The following RNF216 variants were observed in gnomAD, a reference collection of about 807,000 sequenced individuals.
RNF216 encodes ring finger protein 216, also known as E3 ubiquitin-protein ligase RNF216.
RNF216 carries 72 observed loss-of-function variants against 110.8 expected under a neutral mutation model. The ratio of observed to expected loss-of-function variants is 0.65; its 90% CI spans 0.54 to 0.79. The LOEUF (loss-of-function observed/expected upper bound fraction) is 0.79, where lower values mean the gene tolerates loss of function less well. Among genes scored for constraint, RNF216 ranks in the 30% least tolerant of loss-of-function variants. The pLI is 0.00. For synonymous variants in RNF216, 495 were observed against 407.5 expected, an observed-to-expected ratio of 1.21 and a Z score of -2.59; for missense variants, 1,342 against 1,141.2, an observed-to-expected ratio of 1.18 and a Z score of -2.54.
At chr7:5,739,429 A>G in intron 4 of RNF216, 77 bp from the exon 5 acceptor site, 1 of 1,389,966 alleles carries the variant, frequency 7.2e-7, no homozygotes, top group Non-Finnish European at 1.0e-6. Context: ...CAGATGGCAA[A>G]AAGTATAATA....
At chr7:5,657,761 G>A (rs1788839615) in intron 13 of RNF216, among the ~76,000 whole-genome samples, 1 of 152,058 alleles carries the variant, frequency 6.6e-6, no homozygotes, top group Admixed American at 6.6e-5. Context: ...ACATACAGAA[G>A]GCCAGAAAGA....
chr7:5,741,235 C>T lies in RNF216; in HGVS notation c.782G>A (p.Gly261Asp), dbSNP rs1217675957. 4 of 1,614,126 alleles carry T rather than the reference C, an allele frequency of 2.5e-6. No homozygotes were observed. In the South Asian group the frequency reaches 4.4e-5, roughly 18 times the overall value. ...GAATTCATGCTGAAACAACAAGCGGCCCAGTTCTGCTTCAGGCTGCCGTTC... is the reference window on the plus strand; with the variant it reads ...GAATTCATGCTGAAACAACAAGCGGTCCAGTTCTGCTTCAGGCTGCCGTTC... Reference protein sequence around the residue: ...PQERQPEAELGRLLFQHEFPG... With the variant: ...PQERQPEAELDRLLFQHEFPG... Residue 261 changes from glycine to aspartate, a missense_variant, in exon 4 of 17, where the codon GGC becomes GAC. Gly to Asp is a moderately conservative substitution (Grantham distance 94, BLOSUM62 -1). Transcript: ENST00000389902.
At chr7:5,636,062 T>C (rs1280766351) in intron 15 of RNF216, among the ~76,000 whole-genome samples, 1 of 152,234 alleles carries the variant, frequency 6.6e-6, no homozygotes, top group Non-Finnish European at 1.5e-5. Context: ...AGTTTTGCCA[T>C]ACTCTCAAAT....
chr7:5,774,780 C>A (rs1336494097), intron 1 of RNF216, among the ~76,000 whole-genome samples: 1 of 149,962 alleles, frequency 6.7e-6, no homozygotes, highest in East Asian at 2.0e-4. Context: ...TTTATTGAGA[C>A]GAAGTTTTGC....
chr7:5,638,518 C>G (rs796411309), intron 15 of RNF216, among the ~76,000 whole-genome samples: 1 of 152,128 alleles, frequency 6.6e-6, no homozygotes, highest in Admixed American at 6.5e-5. Flanking sequence ...CAGATGCCAA[C>G]AAATCTGAAA....
intron 13 of RNF216, among the ~76,000 whole-genome samples, chr7:5,706,946 TTATGA>T (rs58070134): frequency 0.062 from 9,512 of 152,234 alleles, 982 homozygotes; most frequent in African/African-American, 0.22. Context: ...GATTTTTGTG[TTATGA>T]TATGAGATAT....
intron 1 of RNF216, among the ~76,000 whole-genome samples, chr7:5,765,981 A>T (rs913858408): frequency 6.6e-6 from 1 of 151,076 alleles, no homozygotes. Flanking sequence ...AGAAAGAAAT[A>T]GAAACATGAA....
intron 5 of RNF216, among the ~76,000 whole-genome samples, chr7:5,737,944 C>T (rs1017757685): frequency 4.6e-5 from 7 of 151,908 alleles, no homozygotes; most frequent in African/African-American, 1.4e-4. Flanking sequence ...AAAAATTAGC[C>T]GGACAGGGTG....
chr7:5,739,776 G>A (rs192242835), intron 4 of RNF216, among the ~76,000 whole-genome samples: 96 of 152,084 alleles, frequency 6.3e-4, no homozygotes, highest in African/African-American at 1.8e-3. Flanking sequence ...CGAGGCAGGC[G>A]GATCACCTGA....
intron 13 of RNF216, among the ~76,000 whole-genome samples, chr7:5,710,993 G>A (rs752373555): frequency 3.9e-5 from 6 of 152,172 alleles, no homozygotes; most frequent in Admixed American, 6.5e-5. Flanking sequence ...TGATCCATTA[G>A]TTTAGTTTAT....
chr7:5,721,091 A>C lies in RNF216; in HGVS notation c.1586T>G (p.Leu529Arg). The change falls in exon 9 of 17, where the codon CTT (leucine) becomes CGT (arginine). Residue 529 changes from leucine (L) to arginine (R), a missense_variant. By Grantham distance (102) the Leu-to-Arg change is moderately radical (BLOSUM62 -2). Transcript: ENST00000389902. ...HCRSYDRRAL[L>R]PAVQQEQEFY... The stretch of plus-strand genomic sequence containing the variant: ...CTCCTGCTCTTGTTGCACAGCTGGA[A>C]GGAGAGCACGTCGGTCATAGGACCT... The C allele has an allele frequency of 6.2e-7, 1 of 1,614,178 alleles. No homozygotes were observed. The highest frequency in any genetic ancestry group is 2.2e-5 in the East Asian group (1 of 44,886).
intron 1 of RNF216, among the ~76,000 whole-genome samples, chr7:5,768,346 TACACACACACACACACAC>T (rs71004702): frequency 7.0e-5 from 5 of 71,884 alleles, no homozygotes; most frequent in Non-Finnish European, 8.1e-5. Context: ...GGCAGGCAAA[TACACACACACACACACAC>T]ACACACACAC....
rs760391937 is a variant in RNF216 at position 5,712,695 on chromosome 7, C to T, written c.1982+20G>A. 6 of 1,613,422 alleles carry T rather than the reference C, an allele frequency of 3.7e-6. No homozygotes were observed. Among genetic ancestry groups the T allele is most frequent in the Admixed American group, 1.7e-5 (1 of 59,946 alleles). ...AATGGGGAAGAGTTGGCAGATGGCA[C>T]GCTCTGCCTGAGAACGAACCTGACA... On this transcript the variant is annotated intron_variant, in intron 12 of 16. Transcript: ENST00000389902.
chr7:5,733,650 G>C (rs1369197833), intron 5 of RNF216, among the ~76,000 whole-genome samples: 6 of 135,984 alleles, frequency 4.4e-5, no homozygotes, highest in African/African-American at 1.6e-4. Context: ...TTCATAACCA[G>C]GAAAACATTA....
Position 5,624,228 on chromosome 7 carries a change from G to A in RNF216, c.2383-103C>T, listed in dbSNP as rs117684214. ...CTTGTTGCTTATGGCCATGGAACAA[G>A]CCCGAAGCCTGCTGCTGGCCAGTGG... On this transcript the variant is annotated intron_variant, in intron 15 of 16. Transcript: ENST00000389902. The surrounding 1 kb of genome is among the most constrained non-coding windows in gnomAD (Gnocchi z 4.4). 2.2e-6 allele frequency: 2 copies of A among 923,284 alleles called. No individual in the cohort carries two copies. Among genetic ancestry groups the A allele is most frequent in the Non-Finnish European group, 1.7e-6 (1 of 595,546 alleles). The allele number at this position is 923,284 out of a possible 1,614,324, so 57.2% of individuals were successfully genotyped here.
intron 13 of RNF216, among the ~76,000 whole-genome samples, chr7:5,682,691 C>T (rs1790738288): frequency 6.6e-6 from 1 of 152,114 alleles, no homozygotes; most frequent in Admixed American, 6.5e-5. Flanking sequence ...TCGGCGTGAG[C>T]CTCTGCGCTC....
At chr7:5,633,875 C>T (rs1263941847) in intron 15 of RNF216, among the ~76,000 whole-genome samples, 6 of 152,272 alleles carry the variant, frequency 3.9e-5, no homozygotes, top group African/African-American at 1.4e-4. Context: ...AAGAGAGAAA[C>T]AAAACATACA....
chr7:5,722,114 G>A (rs1206928277), intron 8 of RNF216, among the ~76,000 whole-genome samples: 1 of 152,046 alleles, frequency 6.6e-6, no homozygotes, highest in Non-Finnish European at 1.5e-5. Flanking sequence ...TTTTAGAGAT[G>A]GGATTTTGCC....
intron 13 of RNF216, among the ~76,000 whole-genome samples, chr7:5,708,849 C>T (rs776134453): frequency 6.6e-6 from 1 of 152,096 alleles, no homozygotes; most frequent in Non-Finnish European, 1.5e-5. Flanking sequence ...CCTTGAGAAG[C>T]CCAAATGCTG....
Sources: allele counts gnomAD v4.1 joint callset (sites outside exome capture counted in the v4.1 genomes callset), GRCh38; gene constraint gnomAD v4.1.1; non-coding constraint Gnocchi (gnomAD v3.1); transcripts MANE v1.5; gene names NCBI Gene and HGNC (gene_info 2026-07-23, HGNC 2026-07-21).